The following IL16 variants were observed in gnomAD, a reference collection of about 807,000 sequenced individuals.
IL16 encodes the protein interleukin 16, also known as pro-interleukin-16.
A neutral mutation model predicts 110.1 loss-of-function variants in IL16; 67 were observed. That is an observed-to-expected ratio of 0.61 (90% confidence interval 0.50 to 0.75). The LOEUF (loss-of-function observed/expected upper bound fraction) is 0.75, where lower values mean the gene tolerates loss of function less well. Ranked by LOEUF, IL16 falls within the 30% of genes least tolerant of loss-of-function variation. The pLI is 0.00. For synonymous variants in IL16, 689 were observed against 662.9 expected (o/e 1.04, Z -0.61); for missense variants, 1,545 against 1,655.0 (o/e 0.93, Z 1.15).
At chr15:81,233,284 A>G (rs1339145025) in intron 2 of IL16, among the ~76,000 whole-genome samples, 3 of 152,154 alleles carry the variant, frequency 2.0e-5, no homozygotes, top group African/African-American at 7.2e-5. Flanking sequence ...TAACTCTAGT[A>G]CAGTAGCACA....
chr15:81,305,783 A>G, intron 16 of IL16, 125 bp from the exon 17 acceptor site: 2 of 1,211,296 alleles, frequency 1.7e-6, no homozygotes, highest in South Asian at 1.5e-5. Flanking sequence ...CTAGGACACA[A>G]TTATCTTTAA....
chr15:81,269,142 C>A (rs1032885933), intron 4 of IL16, among the ~76,000 whole-genome samples: 3 of 152,362 alleles, frequency 2.0e-5, no homozygotes, highest in African/African-American at 7.2e-5. Context: ...AAGGGGAGTT[C>A]TCAGTAAATG....
chr15:81,214,551 A>AT (rs34712503), intron 1 of IL16, among the ~76,000 whole-genome samples: 45,466 of 149,144 alleles, frequency 0.3, 8,285 homozygotes, highest in African/African-American at 0.5. Flanking sequence ...TGCCTTTAAG[A>AT]TTTTTTTTTT....
chr15:81,247,453 A>C lies in IL16; in HGVS notation c.313-12319A>C, dbSNP rs1162592231. On this transcript the variant is annotated intron_variant, in intron 2 of 18. Transcript: ENST00000683961. Reference sequence around the variant, plus strand: ...TTTGGAGGTATGTTTCTTGATTTTCAAATATGTAGTTATTTTCCAGTTACC... The same window carrying C: ...TTTGGAGGTATGTTTCTTGATTTTCCAATATGTAGTTATTTTCCAGTTACC... Among the ~76,000 whole-genome samples the C allele has an allele frequency of 2.0e-5, 3 of 152,312 alleles. No homozygotes were observed. The East Asian group carries it at 5.8e-4, about 29-fold the overall frequency.
chr15:81,196,974 C>T lies in IL16; in HGVS notation c.-280C>T, dbSNP rs1042938482. ...CGGAGCCTGGGATCTGACTCAAAGG[C>T]CGGCCTCCGTCTGAGAACTGAGCGT... On this transcript the variant is annotated 5_prime_UTR_variant, in exon 1 of 19. Transcript: ENST00000683961. The T allele has an allele frequency of 1.3e-4, 163 of 1,273,420 alleles. No individual in the cohort carries two copies. Among genetic ancestry groups the T allele is most frequent in the Non-Finnish European group, 1.6e-4 (161 of 983,976 alleles). The allele number at this position is 1,273,420 out of a possible 1,614,324, so 78.9% of individuals were successfully genotyped here.
At chr15:81,258,943 A>G (rs1042310859) in intron 2 of IL16, among the ~76,000 whole-genome samples, 3 of 152,104 alleles carry the variant, frequency 2.0e-5, no homozygotes, top group African/African-American at 7.2e-5. Flanking sequence ...AAGATAAAAT[A>G]ATTAATACCG....
intron 1 of IL16, 31 bp from the exon 2 acceptor site, chr15:81,225,268 A>C (rs755549812): frequency 4.1e-6 from 6 of 1,476,824 alleles, no homozygotes; most frequent in Non-Finnish European, 3.6e-6. Flanking sequence ...AGCAAGTCAC[A>C]TTGCTTCTTC....
chr15:81,299,590 A>G lies in IL16; in HGVS notation c.2264A>G (p.Asp755Gly). The change falls in exon 14 of 19, where the codon GAT becomes GGT. Residue 755 changes from aspartate (D) to glycine (G), a missense_variant. Physicochemically the swap from Asp to Gly is moderately conservative, Grantham distance 94. This residue lies in a region of IL16 where 1,185 missense variants were observed against 1,238.8 expected (regional missense o/e 0.96). Coordinates refer to ENST00000683961, the MANE Select transcript of IL16 (RefSeq NM_172217.5). ...NEEEGTQGHP[D>G]GTPPKLDTAN... ...GAAGAAGGGACACAGGGCCACCCAG[A>G]TGGGACCCCACCAAAGCTGGACACC... 6.2e-7 allele frequency: 1 copy of G among 1,614,206 alleles called. No individual in the cohort carries two copies. The highest frequency in any genetic ancestry group is 8.5e-7 in the Non-Finnish European group (1 of 1,180,038).
At chr15:81,225,885 A>C (rs1273915466) in intron 2 of IL16, among the ~76,000 whole-genome samples, 174 bp downstream of exon 2, 1 of 152,210 alleles carries the variant, frequency 6.6e-6, no homozygotes, top group Non-Finnish European at 1.5e-5. Flanking sequence ...TGAGTATGGG[A>C]GTGAATCAGG....
chr15:81,220,049 A>C (rs1896561440), intron 1 of IL16, among the ~76,000 whole-genome samples: 1 of 152,254 alleles, frequency 6.6e-6, no homozygotes, highest in Non-Finnish European at 1.5e-5. Context: ...ACTGAGGCCC[A>C]GAGACACTGT....
chr15:81,250,157 TTC>T (rs1897716833), intron 2 of IL16, among the ~76,000 whole-genome samples: 1 of 152,112 alleles, frequency 6.6e-6, no homozygotes. Context: ...CTCCTTGTAG[TTC>T]TCTCTCTTAG....
At chr15:81,277,809 C>G (rs1898981562) in intron 6 of IL16, among the ~76,000 whole-genome samples, 1 of 152,144 alleles carries the variant, frequency 6.6e-6, no homozygotes, top group African/African-American at 2.4e-5. Flanking sequence ...CAGTAACGAC[C>G]AGGTCCAGAA....
rs188153930 is a variant in IL16, at chr15:81,186,298, G to A, written c.40+3402G>A. 1.1e-3 allele frequency among the ~76,000 whole-genome samples: 168 copies of A among 152,262 alleles called. 1 individual carries two copies. Among genetic ancestry groups the A allele is most frequent in the African/African-American group, 3.9e-3 (164 of 41,552 alleles). On this transcript the variant is annotated intron_variant, in intron 1 of 18. Coordinates refer to the IL16 transcript ENST00000302987. Reference sequence around the variant, plus strand: ...TTACCTACAGCACTGTGGGGTACATGCTGTTGTCTTTACTTCTCAGGTGAA... The same window carrying A: ...TTACCTACAGCACTGTGGGGTACATACTGTTGTCTTTACTTCTCAGGTGAA...
chr15:81,184,345 T>C (rs1259284321), intron 1 of IL16, among the ~76,000 whole-genome samples: 2 of 152,228 alleles, frequency 1.3e-5, no homozygotes, highest in African/African-American at 4.8e-5. Context: ...GTGTGTGCTC[T>C]GGGAACAACA....
intron 6 of IL16, among the ~76,000 whole-genome samples, chr15:81,277,433 A>G (rs1343835014): frequency 1.3e-5 from 2 of 152,094 alleles, no homozygotes; most frequent in Admixed American, 1.3e-4. Flanking sequence ...CAAAGGAAAA[A>G]GAAATCTTTT....
chr15:81,301,782 T>C (rs8034928), intron 15 of IL16, among the ~76,000 whole-genome samples: 35,231 of 152,226 alleles, frequency 0.23, 4,150 homozygotes, highest in East Asian at 0.3. Context: ...TCAATCAAGG[T>C]TACAGAACCT....
rs116175078 is a variant in IL16, at chr15:81,268,527, G to A, written c.565-1011G>A. On this transcript the variant is annotated intron_variant, in intron 4 of 18. Coordinates refer to ENST00000683961, the MANE Select transcript of IL16 (RefSeq NM_172217.5). ...GCTGCTTCCTCTGCCCAGGTGGCAT[G>A]GGGACAGCATGGGCCTGGGAGTCAG... Among the ~76,000 whole-genome samples the A allele has an allele frequency of 6.3e-3, 959 of 152,380 alleles. 11 individuals are homozygous for A. Among genetic ancestry groups the A allele is most frequent in the African/African-American group, 0.022 (907 of 41,604 alleles).
At chr15:81,273,354 G>A in intron 6 of IL16, 150 bp downstream of exon 6, 1 of 564,324 alleles carries the variant, frequency 1.8e-6, no homozygotes, top group Non-Finnish European at 3.1e-6. Context: ...CAAGCAATGG[G>A]GACACAGCTC....
rs1023873389 is a variant in IL16, at chr15:81,203,798, A to C, written c.-102+6646A>C. On this transcript the variant is annotated intron_variant, in intron 1 of 18. Transcript: ENST00000683961. ...TCTTTTGGCTTAGGATTGACTTGGC[A>C]ATGCGGGCTCTTTTTTGGTTCCATA... Among the ~76,000 whole-genome samples the C allele has an allele frequency of 7.2e-5, 11 of 152,222 alleles. No individual in the cohort carries two copies. In the South Asian group the frequency reaches 2.1e-3, roughly 29 times the overall value.
Sources: allele counts gnomAD v4.1 joint callset (sites outside exome capture counted in the v4.1 genomes callset), GRCh38; gene constraint gnomAD v4.1.1; regional missense constraint gnomAD v4.1.1; transcripts MANE v1.5; gene names NCBI Gene and HGNC (gene_info 2026-07-23, HGNC 2026-07-21).